The following CCDC42 variants were observed in gnomAD, a reference collection of about 807,000 sequenced individuals.
The protein encoded by CCDC42 is coiled-coil domain containing 42.
CCDC42 carries 38 observed loss-of-function variants against 40.8 expected under a neutral mutation model. The observed-to-expected ratio is 0.93, with a 90% CI of 0.72 to 1.22. The LOEUF is 1.22. Ranked by LOEUF, CCDC42 falls within the 50% of genes most tolerant of loss-of-function variation. CCDC42 has a pLI of 0.00. For missense variants in CCDC42, 379 were observed against 416.5 expected, an observed-to-expected ratio of 0.91 and a Z score of 0.78; for synonymous variants, 135 against 157.5, an observed-to-expected ratio of 0.86 and a Z score of 1.07.
chr17:8,740,255 C>T (rs1438941403), intron 4 of CCDC42, among the ~76,000 whole-genome samples: 1 of 151,932 alleles, frequency 6.6e-6, no homozygotes, highest in Non-Finnish European at 1.5e-5. Flanking sequence ...CTTTGGGAGC[C>T]CAAGGCAGGC....
chr17:8,733,736 G>T (rs181697736), intron 6 of CCDC42, among the ~76,000 whole-genome samples: 1 of 152,068 alleles, frequency 6.6e-6, no homozygotes, highest in Non-Finnish European at 1.5e-5. Flanking sequence ...TGATCCACCC[G>T]CCTCAGCCTC....
chr17:8,731,288 C>A (rs536840545), intron 6 of CCDC42, among the ~76,000 whole-genome samples: 1 of 152,152 alleles, frequency 6.6e-6, no homozygotes, highest in African/African-American at 2.4e-5. Flanking sequence ...GAAAAGGGAA[C>A]GTTCATACAC....
intron 4 of CCDC42, among the ~76,000 whole-genome samples, chr17:8,739,902 C>G (rs147835357): frequency 1.3e-5 from 2 of 152,098 alleles, no homozygotes; most frequent in Admixed American, 6.6e-5. Flanking sequence ...CCTGCCCCCC[C>G]AACAAACCCC....
rs770803690 is a variant in CCDC42 at position 8,735,238 on chromosome 17, T to A, written c.731A>T (p.His244Leu). 5 of 1,613,932 alleles carry A rather than the reference T, an allele frequency of 3.1e-6. No individual in the cohort carries two copies. The highest frequency in any genetic ancestry group is 1.7e-6 in the Non-Finnish European group (2 of 1,179,978). The change falls in exon 6 of 7, where the codon CAC becomes CTC. Residue 244 changes from histidine to leucine, a missense_variant. Physicochemically the swap from His to Leu is moderately conservative, Grantham distance 99. Transcript: ENST00000293845. This position sits in a 1 kb window ranked among gnomAD's most constrained non-coding sequence, Gnocchi z 4.7. Reference protein sequence around the residue: ...NVIFWESRWAHIQNTAAKKTL... With the variant: ...NVIFWESRWALIQNTAAKKTL... ...CTTCTTGGCTGCGGTGTTCTGGATG[T>A]GCGCCCAGCGAGATTCCTGGAGAGT...
chr17:8,744,374 G>C (rs1338042310), intron 1 of CCDC42, among the ~76,000 whole-genome samples, 153 bp downstream of exon 1: 3 of 152,080 alleles, frequency 2.0e-5, no homozygotes, highest in Non-Finnish European at 2.9e-5. Context: ...TGACGGGGTG[G>C]AGACCAGCGT....
chr17:8,743,809 C>T (rs9895426), intron 2 of CCDC42, 79 bp from the exon 3 acceptor site: 230,435 of 859,846 alleles, frequency 0.27, 32,741 homozygotes, highest in East Asian at 0.41. Flanking sequence ...AGCATCCCTG[C>T]CCCAGAGGCT....
chr17:8,736,482 C>T (rs1226811196), intron 4 of CCDC42, among the ~76,000 whole-genome samples: 2 of 152,224 alleles, frequency 1.3e-5, no homozygotes, highest in East Asian at 1.9e-4. Flanking sequence ...CTTTAGAAGG[C>T]AGCATGAACA....
At chr17:8,744,382 C>T (rs757040235) in intron 1 of CCDC42, 145 bp downstream of exon 1, 31 of 758,716 alleles carry the variant, frequency 4.1e-5, no homozygotes, top group Middle Eastern at 3.5e-4. Flanking sequence ...TGGAGACCAG[C>T]GTGATGAGGT....
Position 8,735,442 on chromosome 17 carries a change from A to C in CCDC42, c.662T>G (p.Leu221Arg), listed in dbSNP as rs974310068. The C allele has an allele frequency of 1.2e-5, 20 of 1,614,048 alleles. No individual in the cohort carries two copies. Among genetic ancestry groups the C allele is most frequent in the Non-Finnish European group, 1.7e-5 (20 of 1,180,012 alleles). ...DDEILQQNNELARLQMRFDRA... is the reference protein window; with the variant it reads ...DDEILQQNNERARLQMRFDRA... ...GTCAAAGCGCATCTGCAGCCTTGCC[A>C]GCTCATTGTTTTGCTGCAGGATCTC... Residue 221 changes from leucine (L) to arginine (R), a missense_variant, in exon 5 of 7, where the codon CTG becomes CGG. Coordinates refer to ENST00000293845, the MANE Select transcript of CCDC42 (RefSeq NM_144681.3). This position sits in a 1 kb window ranked among gnomAD's most constrained non-coding sequence, Gnocchi z 4.7.
intron 4 of CCDC42, 21 bp downstream of exon 4, chr17:8,741,453 C>A: frequency 1.2e-6 from 2 of 1,610,746 alleles, no homozygotes; most frequent in East Asian, 2.2e-5. Context: ...CAGGGCCGGC[C>A]CCCCTGCTCC....
rs750740758 is a variant in CCDC42 at position 8,740,489 on chromosome 17, CAAAAAAA to C, written c.492+978_492+984del. On this transcript the variant is annotated intron_variant, in intron 4 of 6. Transcript: ENST00000293845. ...GGGCAACAAAAGTGAAACTCCGTCTCAAAAAAAAAAAAAAAAAAAAAAGTGGAGGATC... is the reference window on the plus strand; with the variant it reads ...GGGCAACAAAAGTGAAACTCCGTCTCAAAAAAAAAAAAAAAGTGGAGGATC... Among the ~76,000 whole-genome samples, 5 of 58,782 alleles carry C rather than the reference CAAAAAAA, an allele frequency of 8.5e-5. No homozygotes were observed. The East Asian group carries it at 3.3e-3, about 38-fold the overall frequency. The allele number at this position is 58,782 out of a possible 152,430, so 38.6% of individuals were successfully genotyped here.
At chr17:8,738,393 G>A (rs1323642582) in intron 4 of CCDC42, among the ~76,000 whole-genome samples, 1 of 151,844 alleles carries the variant, frequency 6.6e-6, no homozygotes, top group Non-Finnish European at 1.5e-5. Flanking sequence ...TTACTTTTGT[G>A]TATGCTTAAA....
intron 6 of CCDC42, among the ~76,000 whole-genome samples, chr17:8,731,805 G>A (rs922218377): frequency 5.9e-5 from 9 of 152,126 alleles, no homozygotes; most frequent in South Asian, 4.1e-4. Flanking sequence ...TTGGATACTC[G>A]GCTTAATACC....
rs2086657679 is a variant in CCDC42, at chr17:8,743,538, T to C, written c.294+88A>G. 3.7e-6 allele frequency: 3 copies of C among 807,426 alleles called. No individual in the cohort carries two copies. The East Asian group carries it at 7.3e-5, about 20-fold the overall frequency. 50.0% of individuals were successfully genotyped at this position (807,426 alleles called of 1,614,324 possible). A position where few individuals can be genotyped will look rare whatever the true frequency, so the allele number is the denominator to read the frequency against. On this transcript the variant is annotated intron_variant, in intron 3 of 6. Transcript: ENST00000293845. ...ATGCTTTTTAACTCAGGGCGAGGAGTCAGCAGAAGCAAGGAGGAGGAGTGC... is the reference window on the plus strand; with the variant it reads ...ATGCTTTTTAACTCAGGGCGAGGAGCCAGCAGAAGCAAGGAGGAGGAGTGC...
chr17:8,743,690 T>C lies in CCDC42; in HGVS notation c.230A>G (p.Glu77Gly). 6.2e-7 allele frequency: 1 copy of C among 1,612,640 alleles called. No homozygotes were observed. The highest frequency in any genetic ancestry group is 8.5e-7 in the Non-Finnish European group (1 of 1,178,798). Residue 77 changes from glutamate (E) to glycine (G), a missense_variant, in exon 3 of 7, where the codon GAG becomes GGG. Physicochemically the swap from Glu to Gly is moderately conservative, Grantham distance 98. Coordinates refer to ENST00000293845, the MANE Select transcript of CCDC42 (RefSeq NM_144681.3). ...RRMETLNLRW[E>G]ELGVKEAQLK... ...TTGGGCTTCCTTAACGCCCAGTTCCTCCCAGCGCAGGTTCAGGGTTTCCAT... is the reference window on the plus strand; with the variant it reads ...TTGGGCTTCCTTAACGCCCAGTTCCCCCCAGCGCAGGTTCAGGGTTTCCAT...
chr17:8,733,061 G>A (rs2086590404), intron 6 of CCDC42, among the ~76,000 whole-genome samples: 1 of 152,098 alleles, frequency 6.6e-6, no homozygotes, highest in Non-Finnish European at 1.5e-5. Context: ...TGAGAACTAA[G>A]TGCTGGGAAA....
chr17:8,743,747 G>A lies in CCDC42; in HGVS notation c.190-17C>T. ...CTGAAACATCTTTGGGGTGGGGGTG[G>A]GAGAGCAGAGAGGTCAGGAGGGCTC... On this transcript the variant is annotated splice_polypyrimidine_tract_variant and intron_variant, in intron 2 of 6. Transcript: ENST00000293845. 1.4e-6 allele frequency: 2 copies of A among 1,456,212 alleles called. No homozygotes were observed. The highest frequency in any genetic ancestry group is 1.7e-4 in the Middle Eastern group (1 of 5,768). 90.2% of individuals were successfully genotyped at this position (1,456,212 alleles called of 1,614,324 possible).
At chr17:8,738,101 C>T (rs2086622428) in intron 4 of CCDC42, among the ~76,000 whole-genome samples, 1 of 152,192 alleles carries the variant, frequency 6.6e-6, no homozygotes, top group Non-Finnish European at 1.5e-5. Flanking sequence ...ACTGAGATTA[C>T]AGGCATGAGC....
intron 6 of CCDC42, among the ~76,000 whole-genome samples, chr17:8,733,603 G>A (rs184735226): frequency 3.9e-5 from 6 of 152,324 alleles, no homozygotes; most frequent in Admixed American, 2.0e-4. Flanking sequence ...CGATTCTCCC[G>A]CCTCAGCCTC....
Sources: allele counts gnomAD v4.1 joint callset (sites outside exome capture counted in the v4.1 genomes callset), GRCh38; gene constraint gnomAD v4.1.1; non-coding constraint Gnocchi (gnomAD v3.1); transcripts MANE v1.5; gene names NCBI Gene and HGNC (gene_info 2026-07-23, HGNC 2026-07-21).